Variants in IFT52 observed in about 807,000 individuals in gnomAD.
IFT52 encodes intraflagellar transport 52, also known as intraflagellar transport protein 52 homolog.
IFT52 carries 44 observed loss-of-function variants against 54.4 expected under a neutral mutation model. That is an observed-to-expected ratio of 0.81 (90% CI 0.63 to 1.04). The LOEUF is 1.04. Among genes scored for constraint, IFT52 ranks in the 50% least tolerant of loss-of-function variants. The pLI, the probability that IFT52 is intolerant of heterozygous loss-of-function variation, is 0.00. For synonymous variants in IFT52, 181 were observed against 185.3 expected (o/e 0.98, Z 0.19); for missense variants, 452 against 523.6 (o/e 0.86, Z 1.33).
chr20:43,593,590 C>T (rs1981698511), intron 1 of IFT52, among the ~76,000 whole-genome samples: 1 of 152,032 alleles, frequency 6.6e-6, no homozygotes, highest in Non-Finnish European at 1.5e-5. Flanking sequence ...TGTTTAAAGA[C>T]AGGGTCTTGC....
chr20:43,620,668 T>C (rs1221880315), intron 8 of IFT52, among the ~76,000 whole-genome samples, 189 bp from the exon 9 acceptor site: 1 of 151,888 alleles, frequency 6.6e-6, no homozygotes, highest in Non-Finnish European at 1.5e-5. Flanking sequence ...AAATAAAAGG[T>C]GCATTAGGGT....
chr20:43,628,490 T>C (rs1984912667), intron 10 of IFT52, among the ~76,000 whole-genome samples: 1 of 152,142 alleles, frequency 6.6e-6, no homozygotes, highest in East Asian at 1.9e-4. Context: ...AAGTTGTTGA[T>C]TGAAGATTGT....
chr20:43,623,966 G>A lies in IFT52; in HGVS notation c.844G>A (p.Glu282Lys), dbSNP rs148727335. 1,047 of 1,614,064 alleles carry A rather than the reference G, an allele frequency of 6.5e-4. 5 individuals carry two copies. Among genetic ancestry groups the A allele is most frequent in the South Asian group, 1.4e-3 (129 of 91,068 alleles). The change falls in exon 10 of 14, where the codon GAG becomes AAG. Residue 282 changes from glutamate to lysine, a missense_variant. Transcript: ENST00000373030. ...TCGAGAGTGTCTCCAGGAGAGTGATGAGATCCCAAGGGACTTTACCACCCT... is the reference window on the plus strand; with the variant it reads ...TCGAGAGTGTCTCCAGGAGAGTGATAAGATCCCAAGGGACTTTACCACCCT... ...RNRECLQESD[E>K]IPRDFTTLFD...
chr20:43,602,919 A>G (rs570467036), intron 3 of IFT52, among the ~76,000 whole-genome samples: 1 of 152,222 alleles, frequency 6.6e-6, no homozygotes, highest in Non-Finnish European at 1.5e-5. Context: ...TGGGGTGCCA[A>G]AAGGAAATTA....
chr20:43,623,459 G>GTGTGAGCC (rs1984491838), intron 9 of IFT52, among the ~76,000 whole-genome samples: 1 of 152,146 alleles, frequency 6.6e-6, no homozygotes, highest in Non-Finnish European at 1.5e-5. Flanking sequence ...AGTGTTGTAG[G>GTGTGAGCC]TGTGAGCCAC....
intron 6 of IFT52, among the ~76,000 whole-genome samples, chr20:43,613,307 T>C (rs1372110382): frequency 1.3e-5 from 2 of 152,230 alleles, no homozygotes; most frequent in African/African-American, 2.4e-5. Context: ...GGCCCCATCC[T>C]CTTCCTCCTC....
chr20:43,622,336 C>T (rs1032075982), intron 9 of IFT52, among the ~76,000 whole-genome samples: 5 of 152,090 alleles, frequency 3.3e-5, no homozygotes, highest in Non-Finnish European at 5.9e-5. Flanking sequence ...CGGTGGCTCA[C>T]GCCTGTAATC....
Position 43,644,239 on chromosome 20 carries a change from A to G in IFT52, c.1266+1615A>G, listed in dbSNP as rs537313098. On this transcript the variant is annotated intron_variant, in intron 13 of 13. Coordinates refer to ENST00000373030, the MANE Select transcript of IFT52 (RefSeq NM_016004.5). ...AGCTTTGGTAAATAGGCATTCATAC[A>G]CTACTGATGGAGAATAAGTTGGTTC... 5.3e-3 allele frequency among the ~76,000 whole-genome samples: 310 copies of G among 58,778 alleles called. 121 individuals carry two copies. Among genetic ancestry groups the G allele is most frequent in the African/African-American group, 0.014 (293 of 20,388 alleles). 38.6% of individuals were successfully genotyped at this position (58,778 alleles called of 152,430 possible).
At chr20:43,600,345 C>G (rs1568715783) in intron 3 of IFT52, among the ~76,000 whole-genome samples, 1 of 151,328 alleles carries the variant, frequency 6.6e-6, no homozygotes, top group Non-Finnish European at 1.5e-5. Context: ...TGCTCTGTCA[C>G]CCAGGCTGGA....
At chr20:43,605,879 T>G (rs1199777000) in intron 6 of IFT52, among the ~76,000 whole-genome samples, 2 of 152,152 alleles carry the variant, frequency 1.3e-5, no homozygotes, top group African/African-American at 2.4e-5. Context: ...ACATAGGCAG[T>G]CTATTCTAGA....
chr20:43,624,706 C>T (rs568432586), intron 10 of IFT52, among the ~76,000 whole-genome samples: 5 of 152,146 alleles, frequency 3.3e-5, no homozygotes, highest in South Asian at 2.1e-4. Flanking sequence ...TACAGGACAG[C>T]GGGCAGCATC....
At chr20:43,635,824 A>T in intron 10 of IFT52, 102 bp from the exon 11 acceptor site, 1 of 981,324 alleles carries the variant, frequency 1.0e-6, no homozygotes, top group Non-Finnish European at 1.6e-6. Context: ...TAAAAATAGT[A>T]CTGAACCACT....
chr20:43,642,929 G>A (rs1323605788), intron 13 of IFT52, among the ~76,000 whole-genome samples: 2 of 152,156 alleles, frequency 1.3e-5, no homozygotes, highest in Non-Finnish European at 2.9e-5. Flanking sequence ...CACTTTGGGA[G>A]GCTGAGGTAG....
chr20:43,614,530 AC>A (rs905408123), intron 7 of IFT52, among the ~76,000 whole-genome samples: 6 of 149,928 alleles, frequency 4.0e-5, no homozygotes, highest in African/African-American at 1.2e-4. Flanking sequence ...TTTTAAAATA[AC>A]TTTTTTTTTT....
intron 11 of IFT52, among the ~76,000 whole-genome samples, chr20:43,636,539 C>T (rs149950896): frequency 2.6e-5 from 4 of 152,270 alleles, no homozygotes; most frequent in African/African-American, 9.6e-5. Context: ...AGAGGATTTA[C>T]ATTACAGAAA....
At chr20:43,642,346 A>C in intron 12 of IFT52, 133 bp from the exon 13 acceptor site, 5 of 775,752 alleles carry the variant, frequency 6.4e-6, no homozygotes, top group Non-Finnish European at 1.0e-5. Flanking sequence ...CTGTAGTCAC[A>C]TTACTTTAGG....
chr20:43,615,637 C>T (rs560426410), intron 7 of IFT52, among the ~76,000 whole-genome samples: 11 of 151,864 alleles, frequency 7.2e-5, no homozygotes, highest in Non-Finnish European at 1.3e-4. Flanking sequence ...AACCCCGTCT[C>T]TACTAAAAAT....
At chr20:43,604,332 G>A (rs1982693877) in intron 5 of IFT52, 74 bp downstream of exon 5, 1 of 1,086,502 alleles carries the variant, frequency 9.2e-7, no homozygotes, top group Non-Finnish European at 1.4e-6. Context: ...ACTTTGGGAA[G>A]CCAAGGTGGA....
At chr20:43,591,962 T>C (rs1981558296) in intron 1 of IFT52, among the ~76,000 whole-genome samples, 1 of 152,224 alleles carries the variant, frequency 6.6e-6, no homozygotes, top group African/African-American at 2.4e-5. Flanking sequence ...AAGAGCGATT[T>C]ATATATAGGG....
Sources: gnomAD v4.1 joint callset for allele counts (sites outside exome capture counted in the v4.1 genomes callset) on GRCh38, gnomAD v4.1.1 for gene constraint, MANE v1.5 for transcripts, NCBI Gene and HGNC (gene_info 2026-07-23, HGNC 2026-07-21) for gene names.